The following DCAF8L2 variants were observed in gnomAD, a reference collection of about 807,000 sequenced individuals.
The protein encoded by DCAF8L2 is DDB1- and CUL4-associated factor 8-like protein 2.
For missense variants in DCAF8L2, 430 were observed against 490.7 expected (o/e 0.88, Z 1.17); for synonymous variants, 200 against 190.9 (o/e 1.05, Z -0.39).
intron 2 of DCAF8L2, among the ~76,000 whole-genome samples, chrX:27,661,388 A>G (rs1165132565): frequency 1.8e-5 from 2 of 111,103 alleles, no homozygotes; most frequent in Non-Finnish European, 3.8e-5. Context: ...CTCTGCTAGA[A>G]CTTCCATTTG....
At chrX:27,483,625 A>C in the DCAF8L2 span, among the ~76,000 whole-genome samples, 1 of 111,115 alleles carries the variant, frequency 9.0e-6, no homozygotes, top group Non-Finnish European at 1.9e-5. Context: ...GTTATTGTGC[A>C]CAGACATCGT....
intron 2 of DCAF8L2, among the ~76,000 whole-genome samples, chrX:27,669,473 TTTA>T (rs1929864560): frequency 9.2e-6 from 1 of 109,282 alleles, no homozygotes. Flanking sequence ...TATTTATTTA[TTTA>T]TTTTTTATTT....
Position 27,602,488 on chromosome X carries a change from T to C in DCAF8L2, c.-342+12048T>C, listed in dbSNP as rs1206172804. Among the ~76,000 whole-genome samples the C allele has an allele frequency of 2.7e-5, 3 of 111,965 alleles. No individual in the cohort carries two copies. The Admixed American group carries it at 2.9e-4, about 11-fold the overall frequency. On this transcript the variant is annotated intron_variant, in intron 1 of 4. Coordinates refer to ENST00000451261, the MANE Select transcript of DCAF8L2 (RefSeq NM_001353450.2). Reference sequence around the variant, plus strand: ...TATGATTCTAAGTCTCATAGAAATTTCTGGCATCAAAATTCATCATCTTAT... The same window carrying C: ...TATGATTCTAAGTCTCATAGAAATTCCTGGCATCAAAATTCATCATCTTAT...
intron 2 of DCAF8L2, among the ~76,000 whole-genome samples, chrX:27,637,548 G>T (rs1374661426): frequency 8.9e-6 from 1 of 112,107 alleles, no homozygotes; most frequent in Non-Finnish European, 1.9e-5. Flanking sequence ...TGAGCATCCA[G>T]CTCAAGCCAT....
At chrX:27,703,146 A>G (rs746107398) in intron 3 of DCAF8L2, among the ~76,000 whole-genome samples, 12 of 111,898 alleles carry the variant, frequency 1.1e-4, no homozygotes, top group African/African-American at 2.9e-4. Flanking sequence ...AAAGAAGTAC[A>G]AGAATTGTAC....
the DCAF8L2 span, among the ~76,000 whole-genome samples, chrX:27,556,657 A>T: frequency 1.3e-4 from 15 of 112,179 alleles, no homozygotes; most frequent in African/African-American, 4.9e-4. Context: ...CCATAAGAAC[A>T]TGATAAAGAG....
the DCAF8L2 span, among the ~76,000 whole-genome samples, chrX:27,504,129 C>A: frequency 1.8e-5 from 2 of 111,910 alleles, no homozygotes; most frequent in Admixed American, 9.5e-5. Context: ...ACATATAAAT[C>A]AAATGCAAAT....
the DCAF8L2 span, among the ~76,000 whole-genome samples, chrX:27,552,958 C>T: frequency 9.0e-6 from 1 of 111,371 alleles, no homozygotes; most frequent in Admixed American, 9.6e-5. Context: ...TTATGGTTTT[C>T]CTTTTAGAAA....
At chrX:27,667,509 C>G (rs899031262) in intron 2 of DCAF8L2, among the ~76,000 whole-genome samples, 1 of 110,999 alleles carries the variant, frequency 9.0e-6, no homozygotes, top group Admixed American at 9.6e-5. Flanking sequence ...GAGATTCAGG[C>G]AGAGAAGGAC....
At chrX:27,588,082 A>T (rs1044236590), upstream of DCAF8L2, among the ~76,000 whole-genome samples, 3 of 105,601 alleles carry the variant, frequency 2.8e-5, no homozygotes, top group Non-Finnish European at 5.8e-5. Context: ...ATATTGCATG[A>T]TGCTGAGGTT....
chrX:27,564,584 G>A, the DCAF8L2 span, among the ~76,000 whole-genome samples: 1 of 110,346 alleles, frequency 9.1e-6, no homozygotes. Flanking sequence ...TGCCACATCA[G>A]CATATCTGGG....
chrX:27,535,958 T>C, the DCAF8L2 span, among the ~76,000 whole-genome samples: 1 of 111,572 alleles, frequency 9.0e-6, no homozygotes, highest in East Asian at 2.8e-4. Context: ...GTCATTGCAA[T>C]TTGTTACTGG....
chrX:27,477,789 G>A, the DCAF8L2 span, among the ~76,000 whole-genome samples: 1 of 111,882 alleles, frequency 8.9e-6, no homozygotes, highest in Non-Finnish European at 1.9e-5. Flanking sequence ...TGGGCTTTTT[G>A]TAAGTAATGC....
At chrX:27,653,532 G>T (rs1046608680) in intron 2 of DCAF8L2, among the ~76,000 whole-genome samples, 30 of 111,082 alleles carry the variant, frequency 2.7e-4, no homozygotes, top group African/African-American at 9.2e-4. Context: ...CTTCTAAAAA[G>T]CGGTTCTGGA....
chrX:27,472,499 T>C, the DCAF8L2 span, among the ~76,000 whole-genome samples: 4 of 111,657 alleles, frequency 3.6e-5, no homozygotes, highest in Admixed American at 1.9e-4. Flanking sequence ...CACCTAGGTA[T>C]TAAACCCCAC....
At chrX:27,661,406 G>A (rs5971208) in intron 2 of DCAF8L2, among the ~76,000 whole-genome samples, 24,056 of 110,757 alleles carry the variant, frequency 0.22, 2,458 homozygotes, top group Middle Eastern at 0.33. Context: ...TTGACTTGTG[G>A]TTATCGATCT....
At chrX:27,523,409 AGTGTGTGTGT>A in the DCAF8L2 span, among the ~76,000 whole-genome samples, 942 of 96,500 alleles carry the variant, frequency 9.8e-3, 7 homozygotes, top group Non-Finnish European at 0.012. Flanking sequence ...CTGTCTACTG[AGTGTGTGTGT>A]GTGTGTGTGT....
chrX:27,573,812 T>A, the DCAF8L2 span, among the ~76,000 whole-genome samples: 2 of 110,602 alleles, frequency 1.8e-5, no homozygotes, highest in Non-Finnish European at 3.8e-5. Context: ...ATGCTAAACG[T>A]TGTATTACAT....
chrX:27,549,047 A>G, the DCAF8L2 span, among the ~76,000 whole-genome samples: 1 of 112,188 alleles, frequency 8.9e-6, no homozygotes, highest in African/African-American at 3.2e-5. Flanking sequence ...CAGTATAGAA[A>G]GTGTTCTTAA....
Sources: allele counts gnomAD v4.1 joint callset (sites outside exome capture counted in the v4.1 genomes callset), GRCh38; gene constraint gnomAD v4.1.1; transcripts MANE v1.5; gene names NCBI Gene and HGNC (gene_info 2026-07-23, HGNC 2026-07-21).